PIK3C2A: variants seen among roughly 807,000 people sequenced by gnomAD.
PIK3C2A encodes the protein phosphatidylinositol 4-phosphate 3-kinase C2 domain-containing subunit alpha.
A neutral mutation model predicts 204.5 loss-of-function variants in PIK3C2A; 97 were observed. That is an observed-to-expected ratio of 0.47 (90% confidence interval 0.40 to 0.56). PIK3C2A has a LOEUF of 0.56. PIK3C2A is among the 20% of genes least tolerant of loss of function. The pLI, the probability that PIK3C2A is intolerant of heterozygous loss-of-function variation, is 0.00. For missense variants in PIK3C2A, 1,735 were observed against 1,969.2 expected (o/e 0.88, Z 2.25); for synonymous variants, 653 against 664.4 (o/e 0.98, Z 0.26).
intron 5 of PIK3C2A, 29 bp downstream of exon 5, chr11:17,148,638 G>C (rs549479508): frequency 6.3e-7 from 1 of 1,599,450 alleles, no homozygotes; most frequent in Non-Finnish European, 8.5e-7. Flanking sequence ...AATTTCCAAG[G>C]ATGTTGCTCA....
intron 1 of PIK3C2A, among the ~76,000 whole-genome samples, chr11:17,181,056 G>GTTT (rs1851532943): frequency 6.6e-6 from 1 of 152,096 alleles, no homozygotes; most frequent in African/African-American, 2.4e-5. Flanking sequence ...AAAGGGAAGA[G>GTTT]ATGCATAGGG....
rs139244866 is a variant in PIK3C2A, at chr11:17,171,414, C to T, written c.-65-1608G>A. On this transcript the variant is annotated intron_variant, in intron 1 of 32. Transcript: ENST00000691414. ...GTCTACCGTATATGCTCAATATATA[C>T]GTGAGACAAGGAGGTAGGGAAAAAC... Among the ~76,000 whole-genome samples, 340 of 151,484 alleles carry T rather than the reference C, an allele frequency of 2.2e-3. 1 individual carries two copies. The highest frequency in any genetic ancestry group is 7.9e-3 in the African/African-American group (324 of 41,240).
In PIK3C2A at chr11:17,088,921, T is replaced by C. The variant is rs568739777; in HGVS notation, c.*817A>G. ...TGTACAATCACATTGGTGAGTCTTA[T>C]TCAGGTATTAGGCTTAACTATTTAG... On this transcript the variant is annotated 3_prime_UTR_variant, in exon 33 of 33. Transcript: ENST00000691414. 1 of 152,354 alleles carries C rather than the reference T, an allele frequency of 6.6e-6. No homozygotes were observed. Among genetic ancestry groups the C allele is most frequent in the South Asian group, 2.1e-4 (1 of 4,832 alleles). The allele number at this position is 152,354 out of a possible 1,614,324, so 9.4% of individuals were successfully genotyped here. A position where few individuals can be genotyped will look rare whatever the true frequency, so the allele number is the denominator to read the frequency against.
intron 1 of PIK3C2A, among the ~76,000 whole-genome samples, chr11:17,201,329 C>A (rs1388899740): frequency 6.6e-6 from 1 of 151,906 alleles, no homozygotes; most frequent in Non-Finnish European, 1.5e-5. Context: ...AAGATTGAGA[C>A]CATCCTGGCC....
chr11:17,141,100 C>A (rs575916898), intron 8 of PIK3C2A, among the ~76,000 whole-genome samples: 219 of 152,166 alleles, frequency 1.4e-3, no homozygotes, highest in Non-Finnish European at 2.8e-3. Context: ...CTGTGCGGAA[C>A]CTTGAAGCTA....
At chr11:17,114,626 G>C (rs1418766572) in intron 19 of PIK3C2A, among the ~76,000 whole-genome samples, 161 bp from the exon 20 acceptor site, 1 of 152,154 alleles carries the variant, frequency 6.6e-6, no homozygotes, top group Non-Finnish European at 1.5e-5. Context: ...AACTAGAATG[G>C]CCAAAGGCTA....
chr11:17,140,782 A>G (rs1850038324), intron 8 of PIK3C2A, among the ~76,000 whole-genome samples: 1 of 152,344 alleles, frequency 6.6e-6, no homozygotes, highest in South Asian at 2.1e-4. Flanking sequence ...TTGTGTGCAT[A>G]TAATGGGTAC....
chr11:17,188,927 C>T (rs990487699), intron 1 of PIK3C2A, among the ~76,000 whole-genome samples: 3 of 146,880 alleles, frequency 2.0e-5, no homozygotes, highest in African/African-American at 8.2e-5. Flanking sequence ...AAAACAGCTG[C>T]CCTCCTGAGG....
At chr11:17,170,514 T>G (rs2137492686) in intron 1 of PIK3C2A, among the ~76,000 whole-genome samples, 1 of 152,320 alleles carries the variant, frequency 6.6e-6, no homozygotes. Flanking sequence ...TTCTCTGCAG[T>G]TAAATCAATA....
chr11:17,182,357 A>C (rs1365786690), intron 1 of PIK3C2A, among the ~76,000 whole-genome samples: 1 of 152,118 alleles, frequency 6.6e-6, no homozygotes, highest in African/African-American at 2.4e-5. Context: ...AGAGGAGCCC[A>C]GGAGTTTGAG....
At chr11:17,128,904 A>C (rs1358696273) in intron 13 of PIK3C2A, among the ~76,000 whole-genome samples, 4 of 152,238 alleles carry the variant, frequency 2.6e-5, no homozygotes, top group Non-Finnish European at 5.9e-5. Flanking sequence ...ATGTGCACCT[A>C]TAGATTCTCT....
chr11:17,125,183 C>CA (rs896773355), intron 13 of PIK3C2A, among the ~76,000 whole-genome samples: 3 of 151,804 alleles, frequency 2.0e-5, no homozygotes, highest in African/African-American at 7.3e-5. Context: ...GGTTTTAAAA[C>CA]AAAAAACAAA....
At chr11:17,171,249 G>A (rs923767794) in intron 1 of PIK3C2A, among the ~76,000 whole-genome samples, 7 of 152,054 alleles carry the variant, frequency 4.6e-5, no homozygotes, top group Non-Finnish European at 1.0e-4. Context: ...GCCTCTCATT[G>A]GCCTTGGGCA....
chr11:17,137,874 C>T (rs541004036), intron 8 of PIK3C2A: 3 of 351,304 alleles, frequency 8.5e-6, no homozygotes, highest in African/African-American at 6.3e-5. Context: ...AAAGGACCCT[C>T]CAAGGCCAAG....
Position 17,189,861 on chromosome 11 carries a change from T to C in PIK3C2A, c.-66+17987A>G, listed in dbSNP as rs150779157. Among the ~76,000 whole-genome samples the C allele has an allele frequency of 1.7e-3, 250 of 143,794 alleles. 1 individual carries two copies. Among genetic ancestry groups the C allele is most frequent in the Non-Finnish European group, 1.7e-3 (110 of 65,476 alleles). 94.3% of individuals were successfully genotyped at this position (143,794 alleles called of 152,430 possible). On this transcript the variant is annotated intron_variant, in intron 1 of 32. Coordinates refer to ENST00000691414, the MANE Select transcript of PIK3C2A (RefSeq NM_002645.4). Reference sequence around the variant, plus strand: ...AGATGTCTGGTATAAAATAAAAGATTATGAGACATAAAAAGAAGCAAGAAA... The same window carrying C: ...AGATGTCTGGTATAAAATAAAAGATCATGAGACATAAAAAGAAGCAAGAAA...
rs1565233025 is a variant in PIK3C2A, at chr11:17,091,322, AT to A, written c.4878+11del. On this transcript the variant is annotated intron_variant, in intron 32 of 32. Transcript: ENST00000691414. Reference sequence around the variant, plus strand: ...TAAACCAAGGAAACTTCTAGAAATGATTTTAACTTACCATTTCATTGAATGT... The same window carrying A: ...TAAACCAAGGAAACTTCTAGAAATGATTTAACTTACCATTTCATTGAATGT... 6.2e-7 allele frequency: 1 copy of A among 1,602,408 alleles called. No homozygotes were observed. Among genetic ancestry groups the A allele is most frequent in the Non-Finnish European group, 8.5e-7 (1 of 1,175,332 alleles).
intron 3 of PIK3C2A, among the ~76,000 whole-genome samples, chr11:17,154,709 G>A (rs1565278186): frequency 6.6e-6 from 1 of 152,148 alleles, no homozygotes; most frequent in Non-Finnish European, 1.5e-5. Context: ...AAAGGCAGAG[G>A]AAGAAAAGTG....
intron 13 of PIK3C2A, 28 bp from the exon 14 acceptor site, chr11:17,122,841 A>AT (rs2137351570): frequency 1.1e-6 from 1 of 926,966 alleles, no homozygotes; most frequent in East Asian, 2.5e-5. Flanking sequence ...TAATAATGTG[A>AT]TTTTCATTTT....
Position 17,189,211 on chromosome 11 carries a change from T to C in PIK3C2A, c.-66+18637A>G, listed in dbSNP as rs771392262. Among the ~76,000 whole-genome samples the C allele has an allele frequency of 1.3e-4, 19 of 147,234 alleles. 1 individual carries two copies. Among genetic ancestry groups the C allele is most frequent in the Non-Finnish European group, 2.4e-4 (16 of 67,972 alleles). On this transcript the variant is annotated intron_variant, in intron 1 of 32. Transcript: ENST00000691414. The stretch of plus-strand genomic sequence containing the variant: ...ACAAAGCACAGACTCATCTTACTTA[T>C]AAATTAGACTTACTCAATTTAGTGG...
Sources: allele counts gnomAD v4.1 joint callset (sites outside exome capture counted in the v4.1 genomes callset), GRCh38; gene constraint gnomAD v4.1.1; transcripts MANE v1.5; gene names NCBI Gene and HGNC (gene_info 2026-07-23, HGNC 2026-07-21).